The following CCDC152 variants were observed in gnomAD, a reference collection of about 807,000 sequenced individuals.
CCDC152 encodes coiled-coil domain-containing protein 152.
A neutral mutation model predicts 38.1 loss-of-function variants in CCDC152; 37 were observed. The ratio of observed to expected loss-of-function variants is 0.97; its 90% CI spans 0.75 to 1.28. The LOEUF is 1.28. Among genes scored for constraint, CCDC152 ranks in the 50% most tolerant of loss-of-function variants. The pLI, the probability that CCDC152 is intolerant of heterozygous loss-of-function variation, is 0.00. For synonymous variants in CCDC152, 83 were observed against 87.1 expected (o/e 0.95, Z 0.26); for missense variants, 259 against 292.1 (o/e 0.89, Z 0.83).
intron 2 of CCDC152, 44 bp downstream of exon 2, chr5:42,759,252 G>T: frequency 8.0e-7 from 1 of 1,243,984 alleles, no homozygotes; most frequent in South Asian, 1.5e-5. Context: ...GGGATACATG[G>T]AACAGATTTT....
At chr5:42,759,789 A>C (rs76693012) in intron 2 of CCDC152, among the ~76,000 whole-genome samples, 2,984 of 152,296 alleles carry the variant, frequency 0.02, 36 homozygotes, top group Middle Eastern at 0.061. Flanking sequence ...GACCACATTT[A>C]TGTAACTTTT....
chr5:42,779,036 A>G (rs994228452), intron 4 of CCDC152, among the ~76,000 whole-genome samples: 4 of 152,118 alleles, frequency 2.6e-5, no homozygotes, highest in Admixed American at 1.3e-4. Flanking sequence ...ACTCAAGCCC[A>G]TGGTCTTCTG....
At chr5:42,774,660 A>G (rs960062041) in intron 4 of CCDC152, among the ~76,000 whole-genome samples, 2 of 152,172 alleles carry the variant, frequency 1.3e-5, no homozygotes, top group Non-Finnish European at 2.9e-5. Flanking sequence ...AGACCTAATC[A>G]TAGGACTATA....
At chr5:42,798,150 T>C (rs1760102598) in intron 7 of CCDC152, among the ~76,000 whole-genome samples, 1 of 152,042 alleles carries the variant, frequency 6.6e-6, no homozygotes, top group Non-Finnish European at 1.5e-5. Context: ...AAAAAATAAA[T>C]AAATAAACAA....
rs183134950 is a variant in CCDC152 at position 42,793,723 on chromosome 5, G to A, written c.431-3106G>A. 7.2e-5 allele frequency among the ~76,000 whole-genome samples: 11 copies of A among 152,112 alleles called. No individual in the cohort carries two copies. The East Asian group carries it at 7.8e-4, about 11-fold the overall frequency. The stretch of plus-strand genomic sequence containing the variant: ...TCCCAGGTTCAAGCAATTCTTCTGC[G>A]TCAGCTTCCTGAGTAGCTGGGCCCA... On this transcript the variant is annotated intron_variant, in intron 6 of 8. Transcript: ENST00000361970.
At position 42,783,577 on chromosome 5, in the gene CCDC152, G is replaced by A; in HGVS notation, c.430+1G>A. On this transcript the variant is annotated splice_donor_variant, in intron 6 of 8. Coordinates refer to ENST00000361970, the MANE Select transcript of CCDC152 (RefSeq NM_001134848.2). LOFTEE classifies it high-confidence loss of function. ...CTTTATCAGGACATGCAGAGAAAAG[G>A]TAAGTTTAAAATAAACTTGCTTTTT... 1 of 1,339,050 alleles carries A rather than the reference G, an allele frequency of 7.5e-7. No homozygotes were observed. Among genetic ancestry groups the A allele is most frequent in the South Asian group, 2.0e-5 (1 of 50,078 alleles). 82.9% of individuals were successfully genotyped at this position (1,339,050 alleles called of 1,614,324 possible). A position where few individuals can be genotyped will look rare whatever the true frequency, so the allele number is the denominator to read the frequency against.
At chr5:42,763,207 G>C (rs985429913) in intron 3 of CCDC152, among the ~76,000 whole-genome samples, 1 of 152,196 alleles carries the variant, frequency 6.6e-6, no homozygotes, top group Non-Finnish European at 1.5e-5. Flanking sequence ...ACAGTGATGG[G>C]AGTATGTTGA....
chr5:42,779,915 G>T (rs147545837), intron 5 of CCDC152, among the ~76,000 whole-genome samples: 166 of 151,876 alleles, frequency 1.1e-3, no homozygotes, highest in African/African-American at 3.8e-3. Context: ...TTTATGATTT[G>T]GGTAATCATT....
chr5:42,759,682 A>G (rs1281993866), intron 2 of CCDC152, among the ~76,000 whole-genome samples: 2 of 152,174 alleles, frequency 1.3e-5, no homozygotes, highest in Non-Finnish European at 2.9e-5. Context: ...CAGTGTATCC[A>G]TGTTGTATTA....
intron 6 of CCDC152, among the ~76,000 whole-genome samples, chr5:42,784,526 G>A (rs901863046): frequency 2.0e-5 from 3 of 151,824 alleles, no homozygotes; most frequent in South Asian, 2.1e-4. Context: ...GTGGATATAC[G>A]GCTTGCAAAT....
intron 1 of CCDC152, 23 bp downstream of exon 1, chr5:42,756,908 G>A (rs974637980): frequency 6.5e-6 from 1 of 152,878 alleles, no homozygotes. Flanking sequence ...TTCTATTGAC[G>A]GTTCGAAATT....
chr5:42,792,569 A>C (rs1760018548), intron 6 of CCDC152, among the ~76,000 whole-genome samples: 1 of 152,168 alleles, frequency 6.6e-6, no homozygotes, highest in African/African-American at 2.4e-5. Flanking sequence ...ATCTGTAGTA[A>C]TTATTAACAC....
At chr5:42,772,665 AAT>A (rs1759715953) in intron 4 of CCDC152, among the ~76,000 whole-genome samples, 1 of 151,948 alleles carries the variant, frequency 6.6e-6, no homozygotes, top group Admixed American at 6.6e-5. Context: ...AAAAAAAAAA[AAT>A]AGCCATTCTT....
At position 42,799,772 on chromosome 5, in the gene CCDC152, A is replaced by G. The variant is rs1478878502; in HGVS notation, c.756A>G (p.Arg252=). The G allele has an allele frequency of 1.3e-6, 2 of 1,549,764 alleles. No individual in the cohort carries two copies. Among genetic ancestry groups the G allele is most frequent in the Non-Finnish European group, 1.7e-6 (2 of 1,146,474 alleles). ...SVGKDSHLKR[R]RF ...GCAAAGATTCTCACCTTAAGCGTAG[A>G]CGGTTTTGAGCTTAGCAGTAAATTC... is the stretch of plus-strand genomic sequence containing the variant. Residue 252 remains arginine (R), a synonymous_variant, in exon 9 of 9, where the codon AGA becomes AGG. Coordinates refer to ENST00000361970, the MANE Select transcript of CCDC152 (RefSeq NM_001134848.2).
intron 3 of CCDC152, among the ~76,000 whole-genome samples, chr5:42,764,248 A>G (rs1214334153): frequency 6.6e-6 from 1 of 152,124 alleles, no homozygotes; most frequent in Admixed American, 6.6e-5. Context: ...CGTCTCTACT[A>G]AAAATACAAA....
At chr5:42,769,932 A>G (rs1009643424) in intron 4 of CCDC152, among the ~76,000 whole-genome samples, 1 of 152,182 alleles carries the variant, frequency 6.6e-6, no homozygotes, top group Admixed American at 6.5e-5. Context: ...TTAGAACTCT[A>G]TTTATTCTCA....
chr5:42,760,353 A>G (rs930966925), intron 2 of CCDC152, among the ~76,000 whole-genome samples: 3 of 151,766 alleles, frequency 2.0e-5, no homozygotes, highest in Admixed American at 6.6e-5. Context: ...AAACTCAGGA[A>G]TGGTTTTAGT....
chr5:42,783,684 C>T (rs972887347), intron 6 of CCDC152, 108 bp downstream of exon 6: 1 of 369,430 alleles, frequency 2.7e-6, no homozygotes, highest in Non-Finnish European at 4.4e-6. Context: ...TTCTAGTGAA[C>T]TCATCAATTA....
In CCDC152 at chr5:42,799,416, A is replaced by AT; in HGVS notation, c.601dup (p.Tyr201LeufsTer32). 18 of 1,546,336 alleles carry AT rather than the reference A, an allele frequency of 1.2e-5. No homozygotes were observed. The highest frequency in any genetic ancestry group is 1.5e-5 in the Non-Finnish European group (17 of 1,144,404). Reference sequence around the variant, plus strand: ...CAAGAGTTCAGACTAAATCAAAATCATATCAGGATTCTACTGTTTTGCCAC... The same window carrying AT: ...CAAGAGTTCAGACTAAATCAAAATCATTATCAGGATTCTACTGTTTTGCCAC... On this transcript the variant is annotated frameshift_variant, in exon 8 of 9. Coordinates refer to ENST00000361970, the MANE Select transcript of CCDC152 (RefSeq NM_001134848.2). LOFTEE classifies it high-confidence loss of function.
Sources: gnomAD v4.1 joint callset for allele counts (sites outside exome capture counted in the v4.1 genomes callset) on GRCh38, gnomAD v4.1.1 for gene constraint, MANE v1.5 for transcripts, NCBI Gene and HGNC (gene_info 2026-07-23, HGNC 2026-07-21) for gene names.